SND1: variants seen among roughly 807,000 people sequenced by gnomAD.
SND1 encodes staphylococcal nuclease and tudor domain containing 1.
SND1 carries 38 observed loss-of-function variants against 121.7 expected under a neutral mutation model. The observed-to-expected ratio is 0.31, with a 90% CI of 0.24 to 0.41. The LOEUF is 0.41. Ranked by LOEUF, SND1 falls within the 10% of genes least tolerant of loss-of-function variation. SND1 has a pLI of 1.00. For missense variants in SND1, 868 were observed against 1,184.6 expected (o/e 0.73, Z 3.92); for synonymous variants, 401 against 447.4 (o/e 0.90, Z 1.31).
rs780446429 is a variant in SND1, at chr7:128,028,715, G to A, written c.1779+37659G>A. On this transcript the variant is annotated intron_variant, in intron 16 of 23. Transcript: ENST00000354725. ...TTTCCTGTACCTTGTCCTTGGTATGGGTCTGAATTATATAAGGTTCAGAGA... is the reference window on the plus strand; with the variant it reads ...TTTCCTGTACCTTGTCCTTGGTATGAGTCTGAATTATATAAGGTTCAGAGA... 4 of 1,613,966 alleles carry A rather than the reference G, an allele frequency of 2.5e-6. No homozygotes were observed. The East Asian group carries it at 6.7e-5, about 27-fold the overall frequency.
At chr7:127,851,978 G>A (rs553917981) in intron 12 of SND1, among the ~76,000 whole-genome samples, 8 of 151,952 alleles carry the variant, frequency 5.3e-5, no homozygotes, top group East Asian at 1.9e-4. Flanking sequence ...GCAACATGGC[G>A]AAACCCCTGT....
chr7:127,764,759 G>A (rs1563005163), intron 10 of SND1, among the ~76,000 whole-genome samples: 1 of 152,214 alleles, frequency 6.6e-6, no homozygotes, highest in Non-Finnish European at 1.5e-5. Flanking sequence ...TCCAGGACTG[G>A]TTTGAAGGAT....
rs547734045 is a variant in SND1 at position 128,030,973 on chromosome 7, G to A, written c.1779+39917G>A. 2.9e-3 allele frequency: 535 copies of A among 185,494 alleles called. 2 individuals are homozygous for A. The highest frequency in any genetic ancestry group is 4.8e-3 in the Non-Finnish European group (435 of 90,342). 11.5% of individuals were successfully genotyped at this position (185,494 alleles called of 1,614,324 possible). A position where few individuals can be genotyped will look rare whatever the true frequency, so the allele number is the denominator to read the frequency against. The stretch of plus-strand genomic sequence containing the variant: ...CCTTAAGCTTTCTCCACGGGAGCTG[G>A]GCACCTCGTTCCCATTCCGACTTCT... On this transcript the variant is annotated intron_variant, in intron 16 of 23. Coordinates refer to ENST00000354725, the MANE Select transcript of SND1 (RefSeq NM_014390.4).
At chr7:128,056,655 G>A (rs889824356) in intron 16 of SND1, among the ~76,000 whole-genome samples, 3 of 152,296 alleles carry the variant, frequency 2.0e-5, no homozygotes, top group Admixed American at 2.0e-4. Flanking sequence ...GCAGACTCAT[G>A]AGCTCATCAA....
chr7:127,812,702 C>T (rs1169907264), intron 11 of SND1, among the ~76,000 whole-genome samples: 3 of 152,140 alleles, frequency 2.0e-5, no homozygotes, highest in Non-Finnish European at 4.4e-5. Flanking sequence ...GTTTTTCACT[C>T]TGCTAGTGAG....
chr7:128,089,356 C>T, intron 21 of SND1, 133 bp from the exon 22 acceptor site: 1 of 857,606 alleles, frequency 1.2e-6, no homozygotes, highest in East Asian at 2.6e-5. Context: ...GCCTGGCCAA[C>T]CTCACTAGGG....
intron 15 of SND1, among the ~76,000 whole-genome samples, chr7:127,979,922 A>G (rs1328452001): frequency 1.3e-5 from 2 of 152,174 alleles, no homozygotes; most frequent in Non-Finnish European, 2.9e-5. Flanking sequence ...TCCCTGCTTT[A>G]GAGTATGGTA....
At chr7:128,089,387 A>T in intron 21 of SND1, 102 bp from the exon 22 acceptor site, 1 of 1,153,272 alleles carries the variant, frequency 8.7e-7, no homozygotes, top group Non-Finnish European at 1.2e-6. Flanking sequence ...AGAAAATTAC[A>T]GGCCCCTGCT....
chr7:128,045,223 C>T (rs1365472884), intron 16 of SND1, among the ~76,000 whole-genome samples: 1 of 152,166 alleles, frequency 6.6e-6, no homozygotes, highest in South Asian at 2.1e-4. Context: ...CTGCCTGTTC[C>T]CTCTTTTCCA....
In SND1 at chr7:128,089,699, G is replaced by T. The variant is rs760402204; in HGVS notation, c.2622+7G>T. 1.9e-6 allele frequency: 3 copies of T among 1,613,440 alleles called. No homozygotes were observed. On this transcript the variant is annotated splice_region_variant and intron_variant, in intron 22 of 23. Transcript: ENST00000354725. ...GAAACAGTTCCAGAAAGTGGTATGT[G>T]ATGTGGAGAGGCGGCCCCAGCATTG...
At chr7:128,069,499 T>C (rs1263417547) in intron 16 of SND1, among the ~76,000 whole-genome samples, 1 of 152,200 alleles carries the variant, frequency 6.6e-6, no homozygotes, top group Non-Finnish European at 1.5e-5. Flanking sequence ...CCATGCTCTT[T>C]CTGCCACCTC....
At chr7:127,990,628 T>C (rs1802499726) in intron 15 of SND1, among the ~76,000 whole-genome samples, 1 of 152,124 alleles carries the variant, frequency 6.6e-6, no homozygotes, top group Admixed American at 6.5e-5. Context: ...GGACCGTCAG[T>C]TGGAGCAGTG....
chr7:127,842,024 G>A (rs1364621179), intron 11 of SND1, among the ~76,000 whole-genome samples: 4 of 152,180 alleles, frequency 2.6e-5, no homozygotes, highest in East Asian at 1.9e-4. Context: ...TCAATGGAGT[G>A]TTCAAGTGGG....
At chr7:128,020,683 T>C (rs1285918833) in intron 16 of SND1, among the ~76,000 whole-genome samples, 1 of 152,160 alleles carries the variant, frequency 6.6e-6, no homozygotes, top group African/African-American at 2.4e-5. Context: ...CACCCTCGGC[T>C]GACATAACAC....
intron 10 of SND1, among the ~76,000 whole-genome samples, chr7:127,803,312 G>C (rs897296068): frequency 5.9e-5 from 9 of 151,994 alleles, no homozygotes; most frequent in African/African-American, 1.9e-4. Context: ...TCCCTTTCCT[G>C]CTCTCCATGT....
chr7:127,656,184 G>A (rs915358942), intron 1 of SND1, among the ~76,000 whole-genome samples: 1 of 152,200 alleles, frequency 6.6e-6, no homozygotes, highest in African/African-American at 2.4e-5. Flanking sequence ...TTGTTGTAAA[G>A]CAAGATGTAG....
chr7:128,031,882 C>G (rs1435298153), intron 16 of SND1: 1 of 150,818 alleles, frequency 6.6e-6, no homozygotes, highest in Non-Finnish European at 1.5e-5. Context: ...GTGGCCGCGC[C>G]GCCAGCGGAC....
intron 16 of SND1, among the ~76,000 whole-genome samples, chr7:128,038,692 T>TTG (rs1029602560): frequency 1.3e-5 from 2 of 152,018 alleles, no homozygotes; most frequent in Non-Finnish European, 2.9e-5. Flanking sequence ...GGTTGGGTTT[T>TTG]TTTTTTTGAG....
chr7:127,835,851 G>A (rs1798857574), intron 11 of SND1, among the ~76,000 whole-genome samples: 1 of 152,056 alleles, frequency 6.6e-6, no homozygotes, highest in Non-Finnish European at 1.5e-5. Flanking sequence ...ATGTTTATAT[G>A]TGCCTATTAT....
Sources: gnomAD v4.1 joint callset for allele counts (sites outside exome capture counted in the v4.1 genomes callset) on GRCh38, gnomAD v4.1.1 for gene constraint, MANE v1.5 for transcripts, NCBI Gene and HGNC (gene_info 2026-07-23, HGNC 2026-07-21) for gene names.